HACL1: variants seen among roughly 807,000 people sequenced by gnomAD.
HACL1 encodes the protein 2-hydroxyacyl-CoA lyase 1.
HACL1 carries 64 observed loss-of-function variants against 74.2 expected under a neutral mutation model. The ratio of observed to expected loss-of-function variants is 0.86; its 90% CI spans 0.70 to 1.06. The LOEUF (loss-of-function observed/expected upper bound fraction) is 1.06. Ranked by LOEUF, HACL1 falls within the 50% of genes least tolerant of loss-of-function variation. HACL1 has a pLI of 0.00. For missense variants in HACL1, 728 were observed against 719.7 expected, an observed-to-expected ratio of 1.01 and a Z score of -0.13; for synonymous variants, 230 against 238.8, an observed-to-expected ratio of 0.96 and a Z score of 0.34.
intron 3 of HACL1, among the ~76,000 whole-genome samples, chr3:15,592,518 A>G (rs187539861): frequency 4.0e-5 from 6 of 150,466 alleles, no homozygotes; most frequent in Non-Finnish European, 7.4e-5. Flanking sequence ...ATACACTTGT[A>G]TACATATACA....
rs778910688 is a variant in HACL1, at chr3:15,568,465, C to T, written c.1217G>A (p.Arg406Gln). The change falls in exon 13 of 17, where the codon CGG becomes CAG. Residue 406 changes from arginine to glutamine, a missense_variant. Transcript: ENST00000321169. ...AGGAAGGTAGTTCTGAAGCACAGTC[C>T]GTCCAATGTCCATAGTATTTGCTCC... ...SEGANTMDIGRTVLQNYLPRH... is the reference protein window; with the variant it reads ...SEGANTMDIGQTVLQNYLPRH... The T allele has an allele frequency of 8.1e-6, 13 of 1,601,374 alleles. No homozygotes were observed. The East Asian group carries it at 1.1e-4, about 14-fold the overall frequency.
rs1313149486 is a variant in HACL1 at position 15,567,980 on chromosome 3, T to C, written c.1273A>G (p.Thr425Ala). 2 of 1,614,184 alleles carry C rather than the reference T, an allele frequency of 1.2e-6. No homozygotes were observed. The highest frequency in any genetic ancestry group is 1.3e-5 in the African/African-American group (1 of 75,050). The change falls in exon 14 of 17, where the codon ACA (threonine) becomes GCA (alanine). Residue 425 changes from threonine to alanine, a missense_variant. Coordinates refer to ENST00000321169, the MANE Select transcript of HACL1 (RefSeq NM_012260.4). ...GCAAATCCCAAACCAACTCCCATTGTTCCGAAAGTACCAGCATCAAGCCTG... is the reference window on the plus strand; with the variant it reads ...GCAAATCCCAAACCAACTCCCATTGCTCCGAAAGTACCAGCATCAAGCCTG... Reference protein sequence around the residue: ...RHRLDAGTFGTMGVGLGFAIA... With the variant: ...RHRLDAGTFGAMGVGLGFAIA...
chr3:15,601,544 C>G lies in HACL1; in HGVS notation c.-81G>C. The G allele has an allele frequency of 3.1e-6, 5 of 1,605,136 alleles. No individual in the cohort carries two copies. Among genetic ancestry groups the G allele is most frequent in the Non-Finnish European group, 4.2e-6 (5 of 1,179,604 alleles). ...AGCAAGGCAAACGCGAAATCGGCAG[C>G]ACGCCACCTCTGGTACTGCACCTCT... is the stretch of plus-strand genomic sequence containing the variant. On this transcript the variant is annotated 5_prime_UTR_variant, in exon 1 of 17. Transcript: ENST00000321169.
chr3:15,590,899 G>T lies in HACL1; in HGVS notation c.308+701C>A, dbSNP rs995062353. Among the ~76,000 whole-genome samples the T allele has an allele frequency of 7.2e-5, 11 of 152,122 alleles. 1 individual carries two copies. The highest frequency in any genetic ancestry group is 6.2e-4 in the South Asian group (3 of 4,826). On this transcript the variant is annotated intron_variant, in intron 4 of 16. Coordinates refer to ENST00000321169, the MANE Select transcript of HACL1 (RefSeq NM_012260.4). ...AGTTTGAGACCAGCCTGGCCAGCATGGTGAAACCTCTTCTCTACTAAAAAT... is the reference window on the plus strand; with the variant it reads ...AGTTTGAGACCAGCCTGGCCAGCATTGTGAAACCTCTTCTCTACTAAAAAT...
chr3:15,591,036 G>T (rs541654017), intron 4 of HACL1, among the ~76,000 whole-genome samples: 82 of 152,280 alleles, frequency 5.4e-4, no homozygotes, highest in African/African-American at 1.7e-3. Flanking sequence ...TGCCAAGATT[G>T]CACCACTGCA....
intron 16 of HACL1, among the ~76,000 whole-genome samples, chr3:15,562,014 C>A (rs973871147): frequency 2.0e-5 from 3 of 152,148 alleles, no homozygotes; most frequent in African/African-American, 7.2e-5. Flanking sequence ...GCTTTAGTTT[C>A]CCCAGGGCTC....
At chr3:15,590,095 A>G (rs2063864457) in intron 4 of HACL1, among the ~76,000 whole-genome samples, 1 of 148,212 alleles carries the variant, frequency 6.7e-6, no homozygotes, top group African/African-American at 2.5e-5. Flanking sequence ...ATATGAGAGA[A>G]CTTTCCTTAA....
At chr3:15,565,029 G>A (rs2063409275) in intron 14 of HACL1, among the ~76,000 whole-genome samples, 1 of 152,088 alleles carries the variant, frequency 6.6e-6, no homozygotes, top group South Asian at 2.1e-4. Context: ...GCTGTGCATG[G>A]TGGCATGTGC....
intron 3 of HACL1, among the ~76,000 whole-genome samples, chr3:15,593,729 A>T (rs895864712): frequency 6.7e-6 from 1 of 149,492 alleles, no homozygotes; most frequent in Non-Finnish European, 1.5e-5. Context: ...ACGTCGACTG[A>T]TCTTTGATAG....
rs530428329 is a variant in HACL1, at chr3:15,575,215, T to C, written c.804-133A>G. 79 of 505,582 alleles carry C rather than the reference T, an allele frequency of 1.6e-4. No individual in the cohort carries two copies. In the East Asian group the frequency reaches 2.3e-3, roughly 14 times the overall value. The allele number at this position is 505,582 out of a possible 1,614,324, so 31.3% of individuals were successfully genotyped here. ...GACTTCAGAATCAGCTTCTAGGGTA[T>C]ATTTGATCTTTCAAGCTAAAATAAT... On this transcript the variant is annotated intron_variant, in intron 9 of 16. Transcript: ENST00000321169.
chr3:15,593,922 C>A (rs1236756447), intron 3 of HACL1, among the ~76,000 whole-genome samples: 1 of 151,840 alleles, frequency 6.6e-6, no homozygotes, highest in African/African-American at 2.4e-5. Flanking sequence ...CTCAGCCTCC[C>A]AAGTAGCTGG....
chr3:15,575,567 G>GTC (rs1420949157), intron 9 of HACL1, among the ~76,000 whole-genome samples: 1 of 151,952 alleles, frequency 6.6e-6, no homozygotes, highest in Non-Finnish European at 1.5e-5. Context: ...TTGAGACAGG[G>GTC]TCTCTCTCTC....
chr3:15,573,253 G>A lies in HACL1; in HGVS notation c.910-11C>T, dbSNP rs914536952. 3.2e-6 allele frequency: 5 copies of A among 1,547,544 alleles called. No homozygotes were observed. The highest frequency in any genetic ancestry group is 1.1e-5 in the South Asian group (1 of 89,288). ...TGCACAGATATCAACCTAAAAAAGA[G>A]ACAAGGCTAAAGAACAACCCATGTT... On this transcript the variant is annotated splice_polypyrimidine_tract_variant and intron_variant, in intron 10 of 16. Transcript: ENST00000321169.
intron 9 of HACL1, 59 bp downstream of exon 9, chr3:15,579,851 A>C (rs758755667): frequency 4.0e-6 from 5 of 1,256,768 alleles, no homozygotes; most frequent in Non-Finnish European, 5.6e-6. Context: ...TCACAAAATA[A>C]TTTAAATTAG....
chr3:15,570,140 T>G (rs992380186), intron 12 of HACL1, among the ~76,000 whole-genome samples: 1 of 151,986 alleles, frequency 6.6e-6, no homozygotes, highest in Non-Finnish European at 1.5e-5. Flanking sequence ...ATCAAGACCA[T>G]CCTGGCCAAC....
chr3:15,587,181 G>C (rs2063809896), intron 5 of HACL1, among the ~76,000 whole-genome samples: 1 of 149,730 alleles, frequency 6.7e-6, no homozygotes, highest in African/African-American at 2.5e-5. Context: ...ATGAAAAGCT[G>C]ATAGTCCCAC....
chr3:15,583,631 C>T, intron 7 of HACL1, among the ~76,000 whole-genome samples: 1 of 151,324 alleles, frequency 6.6e-6, no homozygotes, highest in Admixed American at 6.6e-5. Flanking sequence ...CACCTTACCA[C>T]ATTTCTCTTT....
intron 11 of HACL1, 74 bp from the exon 12 acceptor site, chr3:15,571,843 T>TC (rs2063540819): frequency 1.6e-6 from 1 of 642,746 alleles, no homozygotes; most frequent in African/African-American, 2.2e-5. Flanking sequence ...TTTTTTTTTT[T>TC]TTTTTTTTTT....
intron 3 of HACL1, among the ~76,000 whole-genome samples, chr3:15,592,102 C>A (rs949498546): frequency 2.8e-5 from 4 of 140,432 alleles, no homozygotes; most frequent in African/African-American, 8.5e-5. Context: ...ACACTATATA[C>A]GTATATATAC....
Sources: allele counts gnomAD v4.1 joint callset (sites outside exome capture counted in the v4.1 genomes callset), GRCh38; gene constraint gnomAD v4.1.1; transcripts MANE v1.5; gene names NCBI Gene and HGNC (gene_info 2026-07-23, HGNC 2026-07-21).